The following DNAI3 variants were observed in gnomAD, a reference collection of about 807,000 sequenced individuals.
DNAI3 encodes the protein dynein axonemal intermediate chain 3, also known as WD repeat domain 63.
In DNAI3, 83 loss-of-function variants were observed where a neutral mutation model predicts 115.5. The observed-to-expected ratio is 0.72, with a 90% CI of 0.60 to 0.86. The LOEUF (loss-of-function observed/expected upper bound fraction) is 0.86, where lower values mean the gene tolerates loss of function less well. Among genes scored for constraint, DNAI3 ranks in the 40% least tolerant of loss-of-function variants. The pLI is 0.00. For missense variants in DNAI3, 1,004 were observed against 1,075.8 expected (o/e 0.93, Z 0.93); for synonymous variants, 320 against 347.0 (o/e 0.92, Z 0.86).
intron 22 of DNAI3, 74 bp downstream of exon 22, chr1:85,130,186 C>T: frequency 1.9e-6 from 3 of 1,579,904 alleles, no homozygotes; most frequent in Non-Finnish European, 2.6e-6. Context: ...GCTTAATCCA[C>T]AGTTTCCATA....
At position 85,095,826 on chromosome 1, in the gene DNAI3, A is replaced by G. The variant is rs1655105856; in HGVS notation, c.1174-105A>G. 7.3e-6 allele frequency: 8 copies of G among 1,103,446 alleles called. No homozygotes were observed. The Admixed American group carries it at 1.2e-4, about 17-fold the overall frequency. 68.4% of individuals were successfully genotyped at this position (1,103,446 alleles called of 1,614,324 possible). The stretch of plus-strand genomic sequence containing the variant: ...AATAGACTCTCTACGCACCTTGCTT[A>G]TAGATAGCTATAAAATTAGACTTTT... On this transcript the variant is annotated intron_variant, in intron 10 of 22. Coordinates refer to ENST00000294664, the MANE Select transcript of DNAI3 (RefSeq NM_145172.5).
chr1:85,071,960 A>T lies in DNAI3; in HGVS notation c.19A>T (p.Lys7Ter). 6.2e-7 allele frequency: 1 copy of T among 1,612,322 alleles called. No individual in the cohort carries two copies. The change falls in exon 2 of 23, where the codon AAA becomes TAA. Residue 7 changes from lysine to a stop codon, truncating the protein, a stop_gained. Coordinates refer to ENST00000294664, the MANE Select transcript of DNAI3 (RefSeq NM_145172.5). LOFTEE classifies it high-confidence loss of function. Reference protein sequence around the residue: MAPKQKKKTSRGKKRLK... With the variant: MAPKQK ...CAGAACCATGGCTCCAAAACAAAAG[A>T]AAAAGACATCACGTGGCAAAAAAAG...
chr1:85,096,245 T>A (rs570004658), intron 11 of DNAI3, among the ~76,000 whole-genome samples: 3 of 152,166 alleles, frequency 2.0e-5, no homozygotes, highest in African/African-American at 4.8e-5. Context: ...TGAAACAGAA[T>A]TGGGTGAAAT....
In DNAI3 at chr1:85,117,805, C is replaced by A. The variant is rs1399952373; in HGVS notation, c.1863C>A (p.Ala621=). ...ATCATAATCTGGAAAGTGGGATGGCCAATCTTCTCAAGCCAATAGATGACT... is the reference window on the plus strand; with the variant it reads ...ATCATAATCTGGAAAGTGGGATGGCAAATCTTCTCAAGCCAATAGATGACT... ...NPYHNLESGM[A]NLLKPIDDFC... is the part of the protein sequence containing the mutation. Residue 621 remains alanine (A), a synonymous_variant, in exon 17 of 23, where the codon GCC becomes GCA. Coordinates refer to ENST00000294664, the MANE Select transcript of DNAI3 (RefSeq NM_145172.5). 6.2e-7 allele frequency: 1 copy of A among 1,613,848 alleles called. No homozygotes were observed. Among genetic ancestry groups the A allele is most frequent in the East Asian group, 2.2e-5 (1 of 44,866 alleles).
In DNAI3 at chr1:85,062,479, A is replaced by G. The variant is rs1382990696; in HGVS notation, c.-22A>G. 1.3e-5 allele frequency: 2 copies of G among 152,348 alleles called. No homozygotes were observed. Among genetic ancestry groups the G allele is most frequent in the South Asian group, 4.1e-4 (2 of 4,828 alleles). 9.4% of individuals were successfully genotyped at this position (152,348 alleles called of 1,614,324 possible). On this transcript the variant is annotated 5_prime_UTR_variant, in exon 1 of 23. Transcript: ENST00000294664. ...GAGGCTCCTTTTCTTTCAGATCAGC[A>G]GTATCAGGTAAGAGAAGCTCTGAAT...
chr1:85,117,930 G>T, intron 17 of DNAI3, 71 bp downstream of exon 17: 1 of 1,526,634 alleles, frequency 6.6e-7, no homozygotes, highest in Non-Finnish European at 8.9e-7. Context: ...AATATCTACT[G>T]TACATTTTTG....
chr1:85,093,720 T>G (rs1655047747), intron 9 of DNAI3, 72 bp downstream of exon 9: 1 of 1,571,942 alleles, frequency 6.4e-7, no homozygotes, highest in Non-Finnish European at 8.8e-7. Context: ...TATGTAAAAT[T>G]GCAAACTAGT....
chr1:85,080,612 G>A (rs1003312259), intron 3 of DNAI3, among the ~76,000 whole-genome samples: 2 of 152,218 alleles, frequency 1.3e-5, no homozygotes, highest in African/African-American at 2.4e-5. Context: ...CAGCAGGGGA[G>A]AGGGTGAGGT....
In DNAI3 at chr1:85,062,476, A is replaced by G. The variant is rs1018107606; in HGVS notation, c.-25A>G. 11 of 152,340 alleles carry G rather than the reference A, an allele frequency of 7.2e-5. No homozygotes were observed. The South Asian group carries it at 2.3e-3, about 32-fold the overall frequency. The allele number at this position is 152,340 out of a possible 1,614,324, so 9.4% of individuals were successfully genotyped here. On this transcript the variant is annotated 5_prime_UTR_variant, in exon 1 of 23. Coordinates refer to ENST00000294664, the MANE Select transcript of DNAI3 (RefSeq NM_145172.5). ...AAAGAGGCTCCTTTTCTTTCAGATCAGCAGTATCAGGTAAGAGAAGCTCTG... is the reference window on the plus strand; with the variant it reads ...AAAGAGGCTCCTTTTCTTTCAGATCGGCAGTATCAGGTAAGAGAAGCTCTG...
At chr1:85,094,330 A>G in intron 9 of DNAI3, 101 bp from the exon 10 acceptor site, 4 of 1,494,986 alleles carry the variant, frequency 2.7e-6, no homozygotes, top group Non-Finnish European at 3.6e-6. Flanking sequence ...TCCTGTGGAC[A>G]AAGTGTAAAT....
intron 8 of DNAI3, among the ~76,000 whole-genome samples, chr1:85,092,793 CTACACACACACACA>C (rs1439868392): frequency 1.2e-5 from 1 of 85,128 alleles, no homozygotes; most frequent in African/African-American, 4.2e-5. Context: ...ACAACTAAAA[CTACACACACACACA>C]CACACACACA....
intron 3 of DNAI3, among the ~76,000 whole-genome samples, chr1:85,079,386 A>G (rs922953918): frequency 5.3e-5 from 8 of 152,344 alleles, no homozygotes; most frequent in Non-Finnish European, 8.8e-5. Flanking sequence ...ACAGTTATTT[A>G]AAACCTCCAA....
At chr1:85,063,247 T>C (rs1340455935) in intron 1 of DNAI3, among the ~76,000 whole-genome samples, 1 of 149,238 alleles carries the variant, frequency 6.7e-6, no homozygotes, top group Non-Finnish European at 1.5e-5. Context: ...CTTTCGGCTT[T>C]GGGGGAAAAG....
intron 16 of DNAI3, 126 bp from the exon 17 acceptor site, chr1:85,117,603 G>T (rs1655870112): frequency 2.3e-6 from 3 of 1,293,840 alleles, no homozygotes; most frequent in South Asian, 1.5e-5. Flanking sequence ...TTGGACTTAT[G>T]CTCACTACAT....
chr1:85,104,418 G>A (rs1655425728), intron 13 of DNAI3, 106 bp from the exon 14 acceptor site: 1 of 960,754 alleles, frequency 1.0e-6, no homozygotes, highest in Non-Finnish European at 1.6e-6. Flanking sequence ...ACTGCCCCCG[G>A]CCGGTATGTT....
chr1:85,099,431 A>G (rs1200754629), intron 13 of DNAI3: 1 of 241,610 alleles, frequency 4.1e-6, no homozygotes, highest in African/African-American at 2.3e-5. Context: ...GAAGTGAAGG[A>G]CCTCTTCAAG....
chr1:85,068,422 T>A (rs540358433), intron 1 of DNAI3, among the ~76,000 whole-genome samples: 1 of 152,316 alleles, frequency 6.6e-6, no homozygotes, highest in South Asian at 2.1e-4. Flanking sequence ...TTAACAAAAA[T>A]ACCCAGAATC....
intron 12 of DNAI3, among the ~76,000 whole-genome samples, chr1:85,097,971 A>G (rs1199496931): frequency 2.0e-5 from 3 of 152,244 alleles, no homozygotes; most frequent in South Asian, 2.1e-4. Flanking sequence ...AGCACTGGAC[A>G]GAAGAGCGGA....
intron 1 of DNAI3, among the ~76,000 whole-genome samples, chr1:85,066,681 T>A (rs897755456): frequency 2.6e-4 from 39 of 152,078 alleles, no homozygotes; most frequent in Admixed American, 9.2e-4. Flanking sequence ...ACAGAAAAAA[T>A]GTTATGCATA....
Sources: gnomAD v4.1 joint callset for allele counts (sites outside exome capture counted in the v4.1 genomes callset) on GRCh38, gnomAD v4.1.1 for gene constraint, MANE v1.5 for transcripts, NCBI Gene and HGNC (gene_info 2026-07-23, HGNC 2026-07-21) for gene names.